The following WDPCP variants were observed in gnomAD, a reference collection of about 807,000 sequenced individuals.
WDPCP encodes the protein WD repeat-containing and planar cell polarity effector protein fritz homolog.
WDPCP carries 71 observed loss-of-function variants against 93.1 expected under a neutral mutation model. The observed-to-expected ratio is 0.76, with a 90% CI of 0.63 to 0.93. The LOEUF (loss-of-function observed/expected upper bound fraction) is 0.93. Among genes scored for constraint, WDPCP ranks in the 40% least tolerant of loss-of-function variants. The pLI, the probability that WDPCP is intolerant of heterozygous loss-of-function variation, is 0.00. For synonymous variants in WDPCP, 315 were observed against 315.0 expected (o/e 1.00, Z 0.00); for missense variants, 844 against 887.4 (o/e 0.95, Z 0.62).
chr2:63,536,604 G>A (rs530014276), intron 1 of WDPCP, among the ~76,000 whole-genome samples: 8 of 151,870 alleles, frequency 5.3e-5, no homozygotes, highest in South Asian at 2.1e-4. Context: ...GCAAACTATC[G>A]CAAGGACAGA....
At chr2:63,799,425 A>G (rs1237043361) in intron 2 of WDPCP, among the ~76,000 whole-genome samples, 1 of 152,198 alleles carries the variant, frequency 6.6e-6, no homozygotes, top group East Asian at 1.9e-4. Flanking sequence ...AAGATCTCAG[A>G]GTTAGTGGCA....
In WDPCP at chr2:63,493,011, A is replaced by G. The variant is rs1700991712; in HGVS notation, c.76-71T>C. 4 of 1,275,994 alleles carry G rather than the reference A, an allele frequency of 3.1e-6. No individual in the cohort carries two copies. In the Admixed American group the frequency reaches 5.3e-5, roughly 17 times the overall value. The allele number at this position is 1,275,994 out of a possible 1,614,324, so 79.0% of individuals were successfully genotyped here. On this transcript the variant is annotated intron_variant, in intron 1 of 17. Transcript: ENST00000272321. Reference sequence around the variant, plus strand: ...ATTGCCAATAAAACCAAGATACCTTAGAAATAGTAAAAAGAATCATTCGCC... The same window carrying G: ...ATTGCCAATAAAACCAAGATACCTTGGAAATAGTAAAAAGAATCATTCGCC...
intron 2 of WDPCP, chr2:63,717,513 G>T: frequency 4.4e-6 from 2 of 450,720 alleles, no homozygotes; most frequent in South Asian, 3.5e-5. Flanking sequence ...AATACATCTC[G>T]AACAAACTCA....
intron 2 of WDPCP, among the ~76,000 whole-genome samples, chr2:63,700,792 G>C (rs778663341): frequency 8.6e-5 from 13 of 152,040 alleles, no homozygotes; most frequent in Non-Finnish European, 1.9e-4. Flanking sequence ...TTCAATAAAA[G>C]GCACTGAAAA....
At chr2:63,310,934 G>C (rs1202143673) in intron 13 of WDPCP, among the ~76,000 whole-genome samples, 2 of 152,148 alleles carry the variant, frequency 1.3e-5, no homozygotes, top group Non-Finnish European at 2.9e-5. Flanking sequence ...TAGAGGAAAA[G>C]TTTCCTAGCC....
At chr2:63,477,748 C>A (rs1275476524) in intron 6 of WDPCP, 1 of 152,164 alleles carries the variant, frequency 6.6e-6, no homozygotes, top group East Asian at 1.9e-4. Flanking sequence ...GGATCATCCA[C>A]CCCCGAACAC....
chr2:63,405,590 C>A (rs183690568), intron 9 of WDPCP, among the ~76,000 whole-genome samples: 1 of 110,872 alleles, frequency 9.0e-6, no homozygotes, highest in South Asian at 2.7e-4. Context: ...TGTGTGTTGG[C>A]GGGGGTGGTC....
At chr2:63,644,524 G>C (rs1346766516) in intron 3 of WDPCP, among the ~76,000 whole-genome samples, 1 of 152,148 alleles carries the variant, frequency 6.6e-6, no homozygotes, top group Non-Finnish European at 1.5e-5. Flanking sequence ...TTACAGGCGT[G>C]AGCCACCGTG....
At position 63,139,000 on chromosome 2, in the gene WDPCP, C is replaced by T. The variant is rs767078981; in HGVS notation, c.2190+13914G>A. 3.4e-4 allele frequency among the ~76,000 whole-genome samples: 51 copies of T among 152,168 alleles called. 1 individual carries two copies. The highest frequency in any genetic ancestry group is 5.4e-4 in the Non-Finnish European group (37 of 68,034). On this transcript the variant is annotated intron_variant, in intron 17 of 17. Coordinates refer to ENST00000272321, the MANE Select transcript of WDPCP (RefSeq NM_015910.7). The stretch of plus-strand genomic sequence containing the variant: ...TTCACGTAGAATAATAGTCTCTAAT[C>T]TCATCCAGATCACTACAAATGCTAT...
At chr2:63,181,275 C>T (rs1674220212) in intron 14 of WDPCP, among the ~76,000 whole-genome samples, 1 of 152,076 alleles carries the variant, frequency 6.6e-6, no homozygotes, top group African/African-American at 2.4e-5. Flanking sequence ...TCATCTAGGC[C>T]AATGTCCAGA....
At chr2:63,840,718 C>T in the WDPCP span, among the ~76,000 whole-genome samples, 2 of 152,216 alleles carry the variant, frequency 1.3e-5, no homozygotes, top group African/African-American at 2.4e-5. Flanking sequence ...GGAAAAATAA[C>T]CAGTCGTGCT....
intron 13 of WDPCP, among the ~76,000 whole-genome samples, chr2:63,288,320 T>C (rs1384281137): frequency 6.6e-6 from 1 of 152,178 alleles, no homozygotes; most frequent in Non-Finnish European, 1.5e-5. Flanking sequence ...TAAAGTAAAA[T>C]GAGTAGCTTT....
intron 3 of WDPCP, among the ~76,000 whole-genome samples, chr2:63,636,957 T>C (rs1345508674): frequency 1.3e-5 from 2 of 152,214 alleles, no homozygotes; most frequent in African/African-American, 4.8e-5. Context: ...AAACTCGAAA[T>C]TGTAAAACTC....
At chr2:63,523,756 ACAAAATTCGCTGGG>A (rs1179320479) in intron 1 of WDPCP, among the ~76,000 whole-genome samples, 1 of 151,000 alleles carries the variant, frequency 6.6e-6, no homozygotes, top group Non-Finnish European at 1.5e-5. Context: ...GAATAAAAAT[ACAAAATTCGCTGGG>A]CATGGTGGCA....
intron 2 of WDPCP, among the ~76,000 whole-genome samples, chr2:63,658,016 T>C (rs1307100104): frequency 6.6e-6 from 1 of 152,210 alleles, no homozygotes; most frequent in Non-Finnish European, 1.5e-5. Context: ...AGTTTCCTTC[T>C]AGAAGATAAA....
intron 12 of WDPCP, among the ~76,000 whole-genome samples, chr2:63,364,510 C>T (rs574741081): frequency 2.6e-5 from 4 of 152,126 alleles, no homozygotes; most frequent in Non-Finnish European, 4.4e-5. Flanking sequence ...TTGATTTTCA[C>T]GGTTGTTTGT....
At chr2:63,740,865 T>A (rs893861341) in intron 2 of WDPCP, among the ~76,000 whole-genome samples, 11 of 152,156 alleles carry the variant, frequency 7.2e-5, no homozygotes, top group Non-Finnish European at 1.3e-4. Flanking sequence ...CAGTTAATTG[T>A]CTTTTGGTAT....
At chr2:63,167,873 G>A (rs930778159) in intron 15 of WDPCP, among the ~76,000 whole-genome samples, 1 of 152,070 alleles carries the variant, frequency 6.6e-6, no homozygotes, top group Admixed American at 6.5e-5. Context: ...CCAGCACTTT[G>A]GGAGGCCAAG....
chr2:63,713,878 T>G (rs1056367011), intron 2 of WDPCP, among the ~76,000 whole-genome samples: 2 of 152,200 alleles, frequency 1.3e-5, no homozygotes, highest in Non-Finnish European at 2.9e-5. Context: ...AGAAACAACA[T>G]GGCAAAAACT....
Sources: allele counts gnomAD v4.1 joint callset (sites outside exome capture counted in the v4.1 genomes callset), GRCh38; gene constraint gnomAD v4.1.1; transcripts MANE v1.5; gene names NCBI Gene and HGNC (gene_info 2026-07-23, HGNC 2026-07-21).